Variants in IGF2BP3 observed in about 807,000 individuals in gnomAD.
IGF2BP3 encodes insulin like growth factor 2 mRNA binding protein 3, also known as insulin-like growth factor 2 mRNA-binding protein 3.
Under a neutral mutation model 73.8 loss-of-function variants are expected in IGF2BP3, and 9 were observed. The ratio of observed to expected loss-of-function variants is 0.12; its 90% CI spans 0.07 to 0.21. The LOEUF is 0.21. IGF2BP3 is among the 10% of genes least tolerant of loss of function. The pLI is 1.00. For synonymous variants in IGF2BP3, 258 were observed against 256.7 expected, an observed-to-expected ratio of 1.01 and a Z score of -0.05; for missense variants, 542 against 714.0, an observed-to-expected ratio of 0.76 and a Z score of 2.75.
At chr7:23,384,422 A>G (rs548084244) in intron 3 of IGF2BP3, among the ~76,000 whole-genome samples, 25 of 152,318 alleles carry the variant, frequency 1.6e-4, no homozygotes, top group Admixed American at 1.6e-3. Flanking sequence ...TGATTTGTAC[A>G]CTTTAAATGG....
intron 3 of IGF2BP3, among the ~76,000 whole-genome samples, chr7:23,413,047 A>G (rs953706094): frequency 1.3e-5 from 2 of 150,306 alleles, no homozygotes; most frequent in African/African-American, 2.4e-5. Context: ...TTTAGTTAAG[A>G]TGGGGTTTCT....
intron 10 of IGF2BP3, among the ~76,000 whole-genome samples, chr7:23,336,724 G>A (rs953521166): frequency 2.0e-5 from 3 of 152,164 alleles, no homozygotes; most frequent in Non-Finnish European, 2.9e-5. Flanking sequence ...GAGATGGGTG[G>A]ATCACTTGAG....
At chr7:23,460,846 G>C (rs565221449) in intron 2 of IGF2BP3, among the ~76,000 whole-genome samples, 1 of 152,160 alleles carries the variant, frequency 6.6e-6, no homozygotes, top group African/African-American at 2.4e-5. Context: ...AGCTACTTGG[G>C]AGGCTGTGGC....
At chr7:23,317,303 G>A (rs921786835) in intron 12 of IGF2BP3, among the ~76,000 whole-genome samples, 4 of 152,098 alleles carry the variant, frequency 2.6e-5, no homozygotes, top group African/African-American at 9.7e-5. Flanking sequence ...GCAATCTCAG[G>A]GACAGGAGGG....
intron 10 of IGF2BP3, among the ~76,000 whole-genome samples, chr7:23,329,930 T>C (rs1406746207): frequency 6.6e-6 from 1 of 152,202 alleles, no homozygotes; most frequent in Non-Finnish European, 1.5e-5. Flanking sequence ...GGTTTCTCTA[T>C]CTCCTAAGCC....
chr7:23,344,110 A>T (rs925782250), intron 8 of IGF2BP3, among the ~76,000 whole-genome samples: 1 of 152,240 alleles, frequency 6.6e-6, no homozygotes, highest in East Asian at 1.9e-4. Flanking sequence ...AATCAAGTCC[A>T]TATTTTAAAT....
intron 2 of IGF2BP3, among the ~76,000 whole-genome samples, chr7:23,432,040 G>C (rs1443094973): frequency 1.3e-5 from 2 of 152,174 alleles, no homozygotes; most frequent in Non-Finnish European, 1.5e-5. Context: ...TTCTAAGTGA[G>C]AATCTAAACA....
At chr7:23,313,799 G>C in intron 12 of IGF2BP3, 146 bp from the exon 13 acceptor site, 1 of 773,710 alleles carries the variant, frequency 1.3e-6, no homozygotes, top group Non-Finnish European at 2.0e-6. Flanking sequence ...TAACATAGAA[G>C]AGAGCAGTTA....
Position 23,313,530 on chromosome 7 carries a change from C to T in IGF2BP3, c.1519G>A (p.Gly507Ser). The change falls in exon 13 of 15, where the codon GGC (glycine) becomes AGC (serine). Residue 507 changes from glycine to serine, a missense_variant. Physicochemically the swap from Gly to Ser is moderately conservative, Grantham distance 56. This residue lies in a region of IGF2BP3 where 303 missense variants were observed against 472.1 expected (regional missense o/e 0.64). Transcript: ENST00000258729. ...FAAGRVIGKG[G>S]KTVNELQNLS... ...TTTGCTGAAGTACTTGCCGTTTTGC[C>T]TCCTTTTCCAATAACTCTGCCAGCA... The T allele has an allele frequency of 6.2e-7, 1 of 1,613,920 alleles. No individual in the cohort carries two copies. The highest frequency in any genetic ancestry group is 8.5e-7 in the Non-Finnish European group (1 of 1,179,996).
chr7:23,368,618 C>A (rs1785455854), intron 3 of IGF2BP3, among the ~76,000 whole-genome samples: 1 of 152,124 alleles, frequency 6.6e-6, no homozygotes, highest in Non-Finnish European at 1.5e-5. Flanking sequence ...ACATACTAGG[C>A]CGGGCGCGGT....
chr7:23,377,353 G>C (rs1785760304), intron 3 of IGF2BP3, among the ~76,000 whole-genome samples: 1 of 152,160 alleles, frequency 6.6e-6, no homozygotes, highest in African/African-American at 2.4e-5. Context: ...ATATACAGAT[G>C]ACTAATAAGC....
intron 3 of IGF2BP3, among the ~76,000 whole-genome samples, chr7:23,398,357 G>C (rs1464659927): frequency 6.6e-6 from 1 of 152,108 alleles, no homozygotes; most frequent in East Asian, 1.9e-4. Context: ...ACTGTTAATA[G>C]TGCCACAATA....
intron 3 of IGF2BP3, among the ~76,000 whole-genome samples, chr7:23,372,375 C>T (rs996511283): frequency 1.8e-4 from 28 of 152,034 alleles, no homozygotes; most frequent in South Asian, 4.1e-4. Context: ...GTCTGGCTTA[C>T]GTGAATAAGT....
At chr7:23,359,259 CTTTG>C (rs1340252951) in intron 5 of IGF2BP3, among the ~76,000 whole-genome samples, 1 of 152,024 alleles carries the variant, frequency 6.6e-6, no homozygotes, top group Non-Finnish European at 1.5e-5. Context: ...AGTCTTAATG[CTTTG>C]TTTTTTTGTT....
intron 3 of IGF2BP3, among the ~76,000 whole-genome samples, chr7:23,369,278 T>G (rs1785476887): frequency 6.6e-6 from 1 of 152,132 alleles, no homozygotes; most frequent in Non-Finnish European, 1.5e-5. Context: ...GGACACCACA[T>G]GACATGATCC....
intron 2 of IGF2BP3, among the ~76,000 whole-genome samples, chr7:23,420,022 A>G (rs1476319923): frequency 1.3e-5 from 2 of 152,124 alleles, no homozygotes; most frequent in African/African-American, 2.4e-5. Context: ...GACACATATA[A>G]CACAACTGCA....
intron 2 of IGF2BP3, among the ~76,000 whole-genome samples, chr7:23,438,202 C>A (rs1461002775): frequency 6.6e-6 from 1 of 152,220 alleles, no homozygotes; most frequent in Non-Finnish European, 1.5e-5. Context: ...TCACTGCAAC[C>A]TCCACCTCCC....
At chr7:23,438,525 G>A (rs1018604098) in intron 2 of IGF2BP3, among the ~76,000 whole-genome samples, 7 of 130,946 alleles carry the variant, frequency 5.3e-5, no homozygotes, top group African/African-American at 2.1e-4. Flanking sequence ...AGACAAATAA[G>A]TACACTAACT....
At chr7:23,379,595 A>G (rs564312954) in intron 3 of IGF2BP3, among the ~76,000 whole-genome samples, 1 of 152,352 alleles carries the variant, frequency 6.6e-6, no homozygotes, top group East Asian at 1.9e-4. Flanking sequence ...AGTTCAGTTA[A>G]TGGCAAATCT....
Sources: allele counts gnomAD v4.1 joint callset (sites outside exome capture counted in the v4.1 genomes callset), GRCh38; gene constraint gnomAD v4.1.1; regional missense constraint gnomAD v4.1.1; transcripts MANE v1.5; gene names NCBI Gene and HGNC (gene_info 2026-07-23, HGNC 2026-07-21).